RGL3: variants seen among roughly 807,000 people sequenced by gnomAD.
RGL3 encodes ral guanine nucleotide dissociation stimulator like 3.
In RGL3, 85 loss-of-function variants were observed where a neutral mutation model predicts 90.6. The ratio of observed to expected loss-of-function variants is 0.94; its 90% CI spans 0.79 to 1.12. RGL3 has a LOEUF of 1.12. Among genes scored for constraint, RGL3 ranks in the 50% most tolerant of loss-of-function variants. The pLI is 0.00. For synonymous variants in RGL3, 408 were observed against 385.5 expected, an observed-to-expected ratio of 1.06 and a Z score of -0.68; for missense variants, 1,034 against 939.2, an observed-to-expected ratio of 1.10 and a Z score of -1.32.
chr19:11,397,495 T>A lies in RGL3; in HGVS notation c.1849A>T (p.Ile617Phe), dbSNP rs781284504. 1.2e-6 allele frequency: 2 copies of A among 1,613,452 alleles called. No individual in the cohort carries two copies. The highest frequency in any genetic ancestry group is 1.7e-6 in the Non-Finnish European group (2 of 1,179,850). ...PAQQSSEARVIRVSIDNDHGN... is the reference protein window; with the variant it reads ...PAQQSSEARVFRVSIDNDHGN... ...TGGTCATTGTCGATGCTGACGCGGA[T>A]GACACGGGCCTCCGAGCTCTGCTGC... Residue 617 changes from isoleucine (I) to phenylalanine (F), a missense_variant, in exon 17 of 19, where the codon ATC becomes TTC. Transcript: ENST00000380456.
intron 16 of RGL3, among the ~76,000 whole-genome samples, 177 bp downstream of exon 16, chr19:11,399,678 A>G (rs1230850602): frequency 6.6e-6 from 1 of 152,150 alleles, no homozygotes; most frequent in African/African-American, 2.4e-5. Flanking sequence ...TCACCCAAAC[A>G]GGGCCGTGCA....
At chr19:11,419,014 A>G in intron 1 of RGL3, 1 of 641,768 alleles carries the variant, frequency 1.6e-6, no homozygotes. Context: ...CCCAGGGCCC[A>G]GTCTAATAGA....
intron 5 of RGL3, among the ~76,000 whole-genome samples, chr19:11,414,153 ATATATATATATATATATATATATACACC>A (rs1568341449): frequency 1.1e-4 from 9 of 85,012 alleles, no homozygotes; most frequent in Non-Finnish European, 2.0e-4. Context: ...ATATATATAT[ATATATATATATATATATATATATACACC>A]TATATATATA....
At position 11,405,384 on chromosome 19, in the gene RGL3, G is replaced by T; in HGVS notation, c.1039C>A (p.Leu347Met). ...LRNFSSLRAI[L>M]SALQSNPIYR... Reference sequence around the variant, plus strand: ...ATGGGGTTAGATTGCAGGGCGGACAGGATGGCGCGCAAGGAGGAGAAGTTC... The same window carrying T: ...ATGGGGTTAGATTGCAGGGCGGACATGATGGCGCGCAAGGAGGAGAAGTTC... Residue 347 changes from leucine (L) to methionine (M), a missense_variant, in exon 8 of 19, where the codon CTG becomes ATG. Transcript: ENST00000380456. 1 of 1,608,642 alleles carries T rather than the reference G, an allele frequency of 6.2e-7. No homozygotes were observed. Among genetic ancestry groups the T allele is most frequent in the Non-Finnish European group, 8.5e-7 (1 of 1,177,670 alleles).
At chr19:11,414,231 T>TTATA (rs549575988) in intron 5 of RGL3, among the ~76,000 whole-genome samples, 3 of 72,460 alleles carry the variant, frequency 4.1e-5, no homozygotes, top group Admixed American at 1.7e-4. Context: ...ATATATACCT[T>TTATA]TATATATATA....
intron 9 of RGL3, among the ~76,000 whole-genome samples, chr19:11,404,253 A>G (rs1360792556): frequency 6.6e-6 from 1 of 151,068 alleles, no homozygotes; most frequent in Non-Finnish European, 1.5e-5. Flanking sequence ...TTTGGCTGGG[A>G]GTGATGGCTC....
chr19:11,401,078 G>A (rs964034411), intron 13 of RGL3, among the ~76,000 whole-genome samples: 2 of 141,460 alleles, frequency 1.4e-5, no homozygotes, highest in African/African-American at 5.0e-5. Flanking sequence ...GTCAGATGAG[G>A]GGTCATGAAT....
chr19:11,414,199 A>T (rs1968929294), intron 5 of RGL3, among the ~76,000 whole-genome samples: 1 of 86,668 alleles, frequency 1.2e-5, no homozygotes, highest in Non-Finnish European at 2.1e-5. Flanking sequence ...ATATACCTTT[A>T]TATATATATA....
At chr19:11,413,344 T>A (rs992043718) in intron 5 of RGL3, among the ~76,000 whole-genome samples, 1 of 151,636 alleles carries the variant, frequency 6.6e-6, no homozygotes, top group Non-Finnish European at 1.5e-5. Context: ...AAGACCAGAC[T>A]GACCAACATA....
intron 4 of RGL3, 91 bp downstream of exon 4, chr19:11,416,523 A>G: frequency 1.6e-6 from 2 of 1,270,164 alleles, no homozygotes; most frequent in Non-Finnish European, 2.3e-6. Context: ...TTATTACCCA[A>G]CCTGCAATTT....
In RGL3 at chr19:11,400,282, C is replaced by T; in HGVS notation, c.1500G>A (p.Arg500=). Reference sequence around the variant, plus strand: ...AGGAGGCAGCTGGTGGCTCAATGACCCGGGAGAGCCGGTAGCTGAGGGGTC... The same window carrying T: ...AGGAGGCAGCTGGTGGCTCAATGACTCGGGAGAGCCGGTAGCTGAGGGGTC... ...LTEEQSYRLS[R]VIEPPAASCP... Residue 500 remains arginine (R), a synonymous_variant, in exon 14 of 19, where the codon CGG becomes CGA. Transcript: ENST00000380456. 3 of 1,590,318 alleles carry T rather than the reference C, an allele frequency of 1.9e-6. No individual in the cohort carries two copies. Among genetic ancestry groups the T allele is most frequent in the Non-Finnish European group, 2.6e-6 (3 of 1,168,378 alleles).
Position 11,417,070 on chromosome 19 carries a change from G to A in RGL3, c.148-11C>T, listed in dbSNP as rs755642120. On this transcript the variant is annotated splice_polypyrimidine_tract_variant and intron_variant, in intron 2 of 18. Transcript: ENST00000380456. ...AATGGGGCTGGGAGCCTGCAGGAGG[G>A]GAGAGGTGGCCATGAGAGAGCAGGA... The A allele has an allele frequency of 1.3e-6, 2 of 1,581,004 alleles. No individual in the cohort carries two copies. The highest frequency in any genetic ancestry group is 1.7e-6 in the Non-Finnish European group (2 of 1,162,406).
At chr19:11,415,787 T>C in intron 5 of RGL3, 150 bp downstream of exon 5, 1 of 761,320 alleles carries the variant, frequency 1.3e-6, no homozygotes, top group Non-Finnish European at 2.1e-6. Flanking sequence ...AAAGAATTAT[T>C]ATCCCCATTG....
Position 11,416,144 on chromosome 19 carries a change from C to A in RGL3, c.430G>T (p.Val144Leu). 6.5e-7 allele frequency: 1 copy of A among 1,545,398 alleles called. No individual in the cohort carries two copies. The highest frequency in any genetic ancestry group is 2.1e-5 in the Admixed American group (1 of 47,048). Residue 144 changes from valine (V) to leucine (L), a missense_variant, in exon 5 of 19, where the codon GTG (valine) becomes TTG (leucine). Transcript: ENST00000380456. ...AGCCAGGAGCCCAGCACTGACACCA[C>A]AGCCCTGGCCAGAGAGGCAGGGTCT... ...DLSFNKNLRA[V>L]VSVLGSWLQD...
chr19:11,406,767 G>A lies in RGL3; in HGVS notation c.735C>T (p.Asp245=), dbSNP rs757123580. Reference sequence around the variant, plus strand: ...GCTCGGCCACCTCGTCCACGCTGAAGTCCAGGAGCTGGGGACCTTGAGGCA... The same window carrying A: ...GCTCGGCCACCTCGTCCACGCTGAAATCCAGGAGCTGGGGACCTTGAGGCA... ...GLMPQGPQLL[D]FSVDEVAEQL... The change falls in exon 6 of 19, where the codon GAC becomes GAT. Residue 245 remains aspartate (D), a synonymous_variant. Transcript: ENST00000380456. The A allele has an allele frequency of 5.0e-6, 8 of 1,613,982 alleles. No individual in the cohort carries two copies. The highest frequency in any genetic ancestry group is 6.8e-6 in the Non-Finnish European group (8 of 1,180,038).
At chr19:11,406,339 CT>C in intron 7 of RGL3, 79 bp downstream of exon 7, 1 of 1,354,162 alleles carries the variant, frequency 7.4e-7, no homozygotes, top group Non-Finnish European at 1.0e-6. Flanking sequence ...AGACTCGCCC[CT>C]ATCTCTCTCC....
At chr19:11,400,563 G>C (rs1216343147) in intron 13 of RGL3, among the ~76,000 whole-genome samples, 2 of 151,952 alleles carry the variant, frequency 1.3e-5, no homozygotes, top group Non-Finnish European at 2.9e-5. Context: ...ATTAAAGTCA[G>C]GGTCAGGACT....
At chr19:11,414,155 A>T (rs1314855749) in intron 5 of RGL3, among the ~76,000 whole-genome samples, 1 of 88,022 alleles carries the variant, frequency 1.1e-5, no homozygotes, top group East Asian at 5.5e-4. Flanking sequence ...ATATATATAT[A>T]TATATATATA....
At chr19:11,396,136 C>CTCTA (rs1367805487) in intron 18 of RGL3, among the ~76,000 whole-genome samples, 31 of 17,900 alleles carry the variant, frequency 1.7e-3, no homozygotes, top group Non-Finnish European at 2.4e-3. Flanking sequence ...CTCTCTCTCT[C>CTCTA]TATATATATA....
Sources: gnomAD v4.1 joint callset for allele counts (sites outside exome capture counted in the v4.1 genomes callset) on GRCh38, gnomAD v4.1.1 for gene constraint, MANE v1.5 for transcripts, NCBI Gene and HGNC (gene_info 2026-07-23, HGNC 2026-07-21) for gene names.